MTMR7: variants seen among roughly 807,000 people sequenced by gnomAD.
The protein encoded by MTMR7 is myotubularin related protein 7, also known as phosphatidylinositol-3-phosphate phosphatase MTMR7.
MTMR7 carries 76 observed loss-of-function variants against 81.2 expected under a neutral mutation model. That is an observed-to-expected ratio of 0.94 (90% CI 0.78 to 1.13). MTMR7 has a LOEUF of 1.13. Ranked by LOEUF, MTMR7 falls within the 50% of genes most tolerant of loss-of-function variation. The pLI is 0.00. For missense variants in MTMR7, 1,044 were observed against 820.0 expected (o/e 1.27, Z -3.34); for synonymous variants, 372 against 289.8 (o/e 1.28, Z -2.88).
At chr8:17,316,921 C>T (rs917171287) in intron 7 of MTMR7, among the ~76,000 whole-genome samples, 1 of 152,116 alleles carries the variant, frequency 6.6e-6, no homozygotes, top group Non-Finnish European at 1.5e-5. Context: ...ACTCTACTGC[C>T]AAATTGCTCT....
At chr8:17,369,491 A>G (rs1585097847) in intron 3 of MTMR7, among the ~76,000 whole-genome samples, 1 of 152,322 alleles carries the variant, frequency 6.6e-6, no homozygotes, top group East Asian at 1.9e-4. Flanking sequence ...TCTTGTCCTG[A>G]ATCAAAAAGC....
intron 1 of MTMR7, among the ~76,000 whole-genome samples, chr8:17,374,992 G>A (rs1346351774): frequency 2.6e-5 from 4 of 152,104 alleles, no homozygotes; most frequent in Admixed American, 6.6e-5. Context: ...GGAAGGCTGC[G>A]GCAGGATAAC....
intron 1 of MTMR7, among the ~76,000 whole-genome samples, chr8:17,397,207 C>T (rs1821280873): frequency 6.6e-6 from 1 of 151,836 alleles, no homozygotes; most frequent in Non-Finnish European, 1.5e-5. Flanking sequence ...AAGTTAAGGG[C>T]ACTTTGTCTT....
At chr8:17,337,298 G>C (rs565850893) in intron 6 of MTMR7, among the ~76,000 whole-genome samples, 1 of 151,044 alleles carries the variant, frequency 6.6e-6, no homozygotes, top group Non-Finnish European at 1.5e-5. Flanking sequence ...CCGGGAGATG[G>C]AGGTTGCAGT....
At chr8:17,363,737 C>T (rs1820128777) in intron 3 of MTMR7, among the ~76,000 whole-genome samples, 1 of 152,076 alleles carries the variant, frequency 6.6e-6, no homozygotes, top group South Asian at 2.1e-4. Flanking sequence ...CACAGGCAAG[C>T]CCAGATACAG....
chr8:17,319,693 C>G (rs1028166937), intron 7 of MTMR7, among the ~76,000 whole-genome samples: 1 of 152,182 alleles, frequency 6.6e-6, no homozygotes, highest in African/African-American at 2.4e-5. Context: ...ATTGTGGAAA[C>G]CAATGCAAAC....
rs1820470366 is a variant in MTMR7 at position 17,373,140 on chromosome 8, G to C, written c.125C>G (p.Pro42Arg). ...ATHVIFVENS[P>R]DPRKETWILH... ...TACCCATGTTTCTTTTCTTGGGTCA[G>C]GTGAATTTTCCACGAATATGACATG... The change falls in exon 2 of 14, where the codon CCT becomes CGT. Residue 42 changes from proline to arginine, a missense_variant. Physicochemically the swap from Pro to Arg is moderately radical, Grantham distance 103. Coordinates refer to ENST00000180173, the MANE Select transcript of MTMR7 (RefSeq NM_004686.5). 1.2e-6 allele frequency: 2 copies of C among 1,613,692 alleles called. No homozygotes were observed. Among genetic ancestry groups the C allele is most frequent in the Admixed American group, 1.7e-5 (1 of 59,974 alleles).
At chr8:17,370,812 C>T (rs981492459) in intron 3 of MTMR7, among the ~76,000 whole-genome samples, 27 of 151,972 alleles carry the variant, frequency 1.8e-4, no homozygotes, top group African/African-American at 6.3e-4. Context: ...TAAGTTAATA[C>T]TAAGATTCAT....
chr8:17,371,615 T>C (rs1484422232), intron 2 of MTMR7, among the ~76,000 whole-genome samples: 1 of 152,214 alleles, frequency 6.6e-6, no homozygotes, highest in Non-Finnish European at 1.5e-5. Context: ...TGCTCCTTAA[T>C]TCCACATGGA....
chr8:17,335,677 A>G (rs1010956135), intron 6 of MTMR7, among the ~76,000 whole-genome samples: 37 of 152,316 alleles, frequency 2.4e-4, no homozygotes, highest in African/African-American at 8.9e-4. Context: ...AAGAAACTTC[A>G]CTTGTGGTGC....
chr8:17,336,811 G>A lies in MTMR7; in HGVS notation c.732+4552C>T, dbSNP rs7841971. ...GGGAGGTTCTCTGGCCTCGTCAGGC[G>A]TGTGCTCAGAGGTGGTAACCCCACA... On this transcript the variant is annotated intron_variant, in intron 6 of 13. Coordinates refer to ENST00000180173, the MANE Select transcript of MTMR7 (RefSeq NM_004686.5). 3.5e-3 allele frequency among the ~76,000 whole-genome samples: 527 copies of A among 152,294 alleles called. 2 individuals are homozygous for A. The highest frequency in any genetic ancestry group is 0.012 in the African/African-American group (489 of 41,568).
chr8:17,390,886 C>A (rs887699824), intron 1 of MTMR7, among the ~76,000 whole-genome samples: 6 of 152,200 alleles, frequency 3.9e-5, no homozygotes, highest in African/African-American at 1.2e-4. Context: ...GGTCCCTCCC[C>A]CAACACGTGG....
intron 4 of MTMR7, among the ~76,000 whole-genome samples, chr8:17,351,198 T>C (rs1819719213): frequency 6.6e-6 from 1 of 152,238 alleles, no homozygotes; most frequent in Admixed American, 6.5e-5. Flanking sequence ...ACCTACATTC[T>C]TCCTTGTAAC....
intron 9 of MTMR7, among the ~76,000 whole-genome samples, chr8:17,310,407 G>A (rs1050972004): frequency 1.3e-5 from 2 of 152,180 alleles, no homozygotes; most frequent in African/African-American, 4.8e-5. Flanking sequence ...TGAACTAGTG[G>A]AAGTCTGTTC....
At chr8:17,401,721 A>G (rs1339974170) in intron 1 of MTMR7, among the ~76,000 whole-genome samples, 1 of 152,040 alleles carries the variant, frequency 6.6e-6, no homozygotes, top group African/African-American at 2.4e-5. Flanking sequence ...GTGAAGGGTA[A>G]CTCCAAAGTT....
At chr8:17,355,124 A>T (rs1819849199) in intron 4 of MTMR7, among the ~76,000 whole-genome samples, 1 of 152,204 alleles carries the variant, frequency 6.6e-6, no homozygotes, top group Non-Finnish European at 1.5e-5. Context: ...AAGAACCTGT[A>T]TTTCCAAGGA....
rs1005669122 is a variant in MTMR7 at position 17,328,710 on chromosome 8, A to T, written c.865+2440T>A. 7.2e-5 allele frequency among the ~76,000 whole-genome samples: 11 copies of T among 152,184 alleles called. No homozygotes were observed. The East Asian group carries it at 2.1e-3, about 29-fold the overall frequency. ...ACATCCTGCACATACCCCAGAACTT[A>T]AAAATTTTAAATAAAAAAAGAAAAT... is the stretch of plus-strand genomic sequence containing the variant. On this transcript the variant is annotated intron_variant, in intron 7 of 13. Transcript: ENST00000180173.
intron 1 of MTMR7, 101 bp from the exon 2 acceptor site, chr8:17,373,341 T>C (rs927742130): frequency 2.9e-6 from 4 of 1,382,750 alleles, no homozygotes; most frequent in African/African-American, 1.5e-5. Context: ...CAAAATACAA[T>C]TTTTTGAGAA....
intron 5 of MTMR7, 47 bp from the exon 6 acceptor site, chr8:17,341,544 C>G: frequency 6.2e-7 from 1 of 1,601,932 alleles, no homozygotes; most frequent in Non-Finnish European, 8.5e-7. Context: ...GTAACTGTAC[C>G]CATGAGAGAC....
Sources: gnomAD v4.1 joint callset for allele counts (sites outside exome capture counted in the v4.1 genomes callset) on GRCh38, gnomAD v4.1.1 for gene constraint, MANE v1.5 for transcripts, NCBI Gene and HGNC (gene_info 2026-07-23, HGNC 2026-07-21) for gene names.